Variants in PRKCB observed in about 807,000 individuals in gnomAD.
PRKCB encodes the protein protein kinase C beta type.
In PRKCB, 13 loss-of-function variants were observed where a neutral mutation model predicts 81.5. The observed-to-expected ratio is 0.16, with a 90% CI of 0.10 to 0.25. The LOEUF is 0.25. Ranked by LOEUF, PRKCB falls within the 10% of genes least tolerant of loss-of-function variation. PRKCB has a pLI of 1.00. For missense variants in PRKCB, 509 were observed against 875.7 expected (o/e 0.58, Z 5.29); for synonymous variants, 335 against 321.4 (o/e 1.04, Z -0.45).
intron 2 of PRKCB, among the ~76,000 whole-genome samples, chr16:23,855,628 G>A (rs1962551834): frequency 6.6e-6 from 1 of 152,198 alleles, no homozygotes; most frequent in Non-Finnish European, 1.5e-5. Context: ...ATGAAGATTT[G>A]TATGCAGGTG....
At chr16:24,210,492 C>G (rs1195021014) in intron 16 of PRKCB, among the ~76,000 whole-genome samples, 1 of 149,736 alleles carries the variant, frequency 6.7e-6, no homozygotes, top group Non-Finnish European at 1.5e-5. Flanking sequence ...ATCCCCTGGA[C>G]TTTCTTCTTC....
intron 2 of PRKCB, chr16:23,869,018 T>C (rs928810084): frequency 1.9e-5 from 8 of 423,094 alleles, no homozygotes; most frequent in Non-Finnish European, 3.9e-5. Flanking sequence ...AGGGTCCCTG[T>C]GGTGGATTGT....
chr16:24,032,140 C>T lies in PRKCB; in HGVS notation c.293C>T (p.Pro98Leu), dbSNP rs953633182. 21 of 1,611,942 alleles carry T rather than the reference C, an allele frequency of 1.3e-5. No homozygotes were observed. The highest frequency in any genetic ancestry group is 1.7e-5 in the Non-Finnish European group (20 of 1,178,464). The stretch of plus-strand genomic sequence containing the variant: ...TGTTGTTTCTCTTGGCTCCAGGACC[C>T]CCGCAGCAAACACAAGTTTAAGATC... ...GADKGPASDD[P>L]RSKHKFKIHT... Residue 98 changes from proline to leucine, a missense_variant, in exon 4 of 17, where the codon CCC (proline) becomes CTC (leucine). Physicochemically the swap from Pro to Leu is moderately conservative, Grantham distance 98 (BLOSUM62 -3). Transcript: ENST00000643927.
intron 8 of PRKCB, among the ~76,000 whole-genome samples, chr16:24,121,860 A>G (rs1401626783): frequency 6.6e-6 from 1 of 152,194 alleles, no homozygotes; most frequent in Non-Finnish European, 1.5e-5. Flanking sequence ...ATTTCATGTC[A>G]TCATCTCCAT....
At chr16:24,059,711 G>T (rs1212668465) in intron 5 of PRKCB, among the ~76,000 whole-genome samples, 2 of 152,104 alleles carry the variant, frequency 1.3e-5, no homozygotes, top group Non-Finnish European at 2.9e-5. Flanking sequence ...TGCTTTTAGA[G>T]AATGAAGGGG....
At chr16:24,057,101 GA>G (rs960749000) in intron 5 of PRKCB, among the ~76,000 whole-genome samples, 3 of 152,146 alleles carry the variant, frequency 2.0e-5, no homozygotes, top group Admixed American at 6.5e-5. Context: ...ATGTAAACAA[GA>G]AAAAGACAGG....
chr16:23,885,303 T>TTTTTTC (rs1963182071), intron 2 of PRKCB, among the ~76,000 whole-genome samples: 2 of 152,236 alleles, frequency 1.3e-5, no homozygotes, highest in South Asian at 4.2e-4. Flanking sequence ...CCACAGCTCT[T>TTTTTTC]TTTTTCTTTT....
intron 8 of PRKCB, among the ~76,000 whole-genome samples, chr16:24,116,003 C>G (rs1421429233): frequency 6.6e-6 from 1 of 151,842 alleles, no homozygotes. Context: ...GGATTACAGG[C>G]GTGATATCCC....
intron 5 of PRKCB, among the ~76,000 whole-genome samples, chr16:24,064,087 A>T (rs1210685020): frequency 1.3e-5 from 2 of 152,164 alleles, no homozygotes; most frequent in African/African-American, 4.8e-5. Flanking sequence ...AAGGTAGGAA[A>T]GAGTAAACAC....
chr16:23,986,693 A>G (rs1024286862), intron 2 of PRKCB, among the ~76,000 whole-genome samples: 4 of 152,116 alleles, frequency 2.6e-5, no homozygotes, highest in Non-Finnish European at 2.9e-5. Context: ...TGCAACTCCC[A>G]TTTCTTATGA....
intron 13 of PRKCB, among the ~76,000 whole-genome samples, chr16:24,181,972 A>G (rs772249867): frequency 1.3e-5 from 2 of 152,150 alleles, no homozygotes; most frequent in Non-Finnish European, 2.9e-5. Context: ...CTATTTCTGT[A>G]TACTGCTGAC....
chr16:24,193,468 T>TAAATA (rs56740119), intron 16 of PRKCB, among the ~76,000 whole-genome samples: 12,463 of 103,432 alleles, frequency 0.12, 675 homozygotes, highest in Non-Finnish European at 0.14. Context: ...AATAAATAAA[T>TAAATA]AAATAAATAA....
At chr16:24,160,090 A>C (rs1046196551) in intron 10 of PRKCB, among the ~76,000 whole-genome samples, 1 of 152,118 alleles carries the variant, frequency 6.6e-6, no homozygotes, top group Non-Finnish European at 1.5e-5. Flanking sequence ...TTTCTATTCA[A>C]TGGAAACTGA....
intron 10 of PRKCB, among the ~76,000 whole-genome samples, chr16:24,170,069 G>A (rs961821549): frequency 2.6e-5 from 4 of 152,086 alleles, no homozygotes; most frequent in Non-Finnish European, 5.9e-5. Context: ...GGCACGAGCC[G>A]CTGTGCCCGG....
intron 9 of PRKCB, among the ~76,000 whole-genome samples, chr16:24,146,921 G>A (rs933872482): frequency 6.6e-5 from 10 of 152,102 alleles, no homozygotes; most frequent in Non-Finnish European, 1.2e-4. Context: ...ATTAATAAGA[G>A]ATCATTTCCA....
intron 7 of PRKCB, among the ~76,000 whole-genome samples, chr16:24,109,390 C>A (rs1245583853): frequency 8.5e-6 from 1 of 116,998 alleles, no homozygotes; most frequent in Non-Finnish European, 1.7e-5. Flanking sequence ...ACTTCTCAGA[C>A]GGGGCGGCCG....
chr16:24,031,281 A>G (rs1965548478), intron 3 of PRKCB, among the ~76,000 whole-genome samples: 1 of 152,208 alleles, frequency 6.6e-6, no homozygotes, highest in African/African-American at 2.4e-5. Context: ...TTTTTCTCTC[A>G]GGGGTCAGCC....
At chr16:24,112,300 G>A (rs184711835) in intron 7 of PRKCB, among the ~76,000 whole-genome samples, 1 of 152,278 alleles carries the variant, frequency 6.6e-6, no homozygotes, top group Admixed American at 6.5e-5. Context: ...AGGATAGGGT[G>A]AGAAGATCAC....
intron 5 of PRKCB, among the ~76,000 whole-genome samples, chr16:24,072,804 C>A (rs1966127965): frequency 6.6e-6 from 1 of 152,040 alleles, no homozygotes; most frequent in Non-Finnish European, 1.5e-5. Flanking sequence ...CTGATATCGA[C>A]CTCCTGACCT....
Sources: gnomAD v4.1 joint callset for allele counts (sites outside exome capture counted in the v4.1 genomes callset) on GRCh38, gnomAD v4.1.1 for gene constraint, MANE v1.5 for transcripts, NCBI Gene and HGNC (gene_info 2026-07-23, HGNC 2026-07-21) for gene names.